PELI2: variants seen among roughly 807,000 people sequenced by gnomAD.
The protein encoded by PELI2 is pellino E3 ubiquitin protein ligase family member 2, also known as E3 ubiquitin-protein ligase pellino homolog 2.
In PELI2, 23 loss-of-function variants were observed where a neutral mutation model predicts 42.3. The ratio of observed to expected loss-of-function variants is 0.54; its 90% CI spans 0.39 to 0.77. The LOEUF (loss-of-function observed/expected upper bound fraction) is 0.77, where lower values mean the gene tolerates loss of function less well. PELI2 is among the 30% of genes least tolerant of loss of function. The pLI, the probability that PELI2 is intolerant of heterozygous loss-of-function variation, is 0.00. For synonymous variants in PELI2, 245 were observed against 212.2 expected (o/e 1.15, Z -1.34); for missense variants, 463 against 553.2 (o/e 0.84, Z 1.64).
chr14:56,283,676 G>A (rs1889556199), intron 3 of PELI2, among the ~76,000 whole-genome samples: 1 of 152,138 alleles, frequency 6.6e-6, no homozygotes, highest in Non-Finnish European at 1.5e-5. Flanking sequence ...GAAGAGAAGA[G>A]GCATTAGGGG....
At chr14:56,210,558 A>C (rs1392593433) in intron 2 of PELI2, among the ~76,000 whole-genome samples, 1 of 152,194 alleles carries the variant, frequency 6.6e-6, no homozygotes, top group African/African-American at 2.4e-5. Flanking sequence ...TTACCAAGTG[A>C]ACAGGAGTTT....
At position 56,288,153 on chromosome 14, in the gene PELI2, C is replaced by T. The variant is rs541698951; in HGVS notation, c.310-284C>T. ...TGTGCACCGTTCTGCCTGTAGTCAACAATGACTGCATTATGTGCTCAAATA... is the reference window on the plus strand; with the variant it reads ...TGTGCACCGTTCTGCCTGTAGTCAATAATGACTGCATTATGTGCTCAAATA... On this transcript the variant is annotated intron_variant, in intron 3 of 5. Transcript: ENST00000267460. The surrounding 1 kb of genome is among the most constrained non-coding windows in gnomAD (Gnocchi z 4.6). 6.6e-6 allele frequency among the ~76,000 whole-genome samples: 1 copy of T among 152,310 alleles called. No homozygotes were observed. Among genetic ancestry groups the T allele is most frequent in the South Asian group, 2.1e-4 (1 of 4,826 alleles).
chr14:56,128,889 G>T (rs2139584108), intron 1 of PELI2, among the ~76,000 whole-genome samples: 1 of 152,122 alleles, frequency 6.6e-6, no homozygotes, highest in South Asian at 2.1e-4. Context: ...TTTGTTTTTG[G>T]GGGAGGGCAG....
chr14:56,175,136 C>T (rs1885325506), intron 1 of PELI2, among the ~76,000 whole-genome samples: 1 of 152,168 alleles, frequency 6.6e-6, no homozygotes. Flanking sequence ...GCCGTGACTA[C>T]AGGTGCATGC....
intron 1 of PELI2, among the ~76,000 whole-genome samples, chr14:56,124,621 A>G (rs1278998610): frequency 1.3e-5 from 2 of 152,164 alleles, no homozygotes; most frequent in African/African-American, 4.8e-5. Context: ...GGATTGCACT[A>G]AGGGATACGC....
At chr14:56,165,346 C>T (rs898599446) in intron 1 of PELI2, among the ~76,000 whole-genome samples, 2 of 152,056 alleles carry the variant, frequency 1.3e-5, no homozygotes, top group Non-Finnish European at 1.5e-5. Flanking sequence ...CAAAATTTCT[C>T]GTTATTAATT....
intron 2 of PELI2, among the ~76,000 whole-genome samples, chr14:56,193,026 C>T (rs988586475): frequency 3.9e-5 from 6 of 152,204 alleles, no homozygotes; most frequent in Admixed American, 6.5e-5. Context: ...CTGACTCTTC[C>T]GACAAGTTCC....
Position 56,298,581 on chromosome 14 carries a change from A to G in PELI2, c.*1415A>G, listed in dbSNP as rs1219637748. On this transcript the variant is annotated 3_prime_UTR_variant, in exon 6 of 6. Coordinates refer to ENST00000267460, the MANE Select transcript of PELI2 (RefSeq NM_021255.3). The stretch of plus-strand genomic sequence containing the variant: ...TGACTTTTTTTTAACCTTTGTACAT[A>G]TACGTAATTTATATGATTCTAATGT... The G allele has an allele frequency of 1.3e-5, 2 of 152,594 alleles. No individual in the cohort carries two copies. 9.5% of individuals were successfully genotyped at this position (152,594 alleles called of 1,614,324 possible). A position where few individuals can be genotyped will look rare whatever the true frequency, so the allele number is the denominator to read the frequency against.
chr14:56,182,087 G>T (rs1375477046), intron 2 of PELI2, among the ~76,000 whole-genome samples: 1 of 152,172 alleles, frequency 6.6e-6, no homozygotes, highest in African/African-American at 2.4e-5. Context: ...AAGAATCATG[G>T]GATATACATT....
chr14:56,191,931 T>C (rs1422281960), intron 2 of PELI2, among the ~76,000 whole-genome samples: 2 of 151,594 alleles, frequency 1.3e-5, no homozygotes, highest in Admixed American at 6.6e-5. Flanking sequence ...CTCGGCTCAC[T>C]GCAACCTCTG....
intron 2 of PELI2, among the ~76,000 whole-genome samples, chr14:56,237,544 G>A (rs1243197800): frequency 6.6e-6 from 1 of 151,742 alleles, no homozygotes; most frequent in African/African-American, 2.4e-5. Context: ...TTCCCATGTG[G>A]CTTCATGTAT....
intron 2 of PELI2, among the ~76,000 whole-genome samples, chr14:56,230,748 C>A (rs1566652062): frequency 6.6e-6 from 1 of 152,104 alleles, no homozygotes; most frequent in Non-Finnish European, 1.5e-5. Flanking sequence ...TCACACGTAA[C>A]AATATTAATG....
chr14:56,266,072 T>C (rs1888892577), intron 2 of PELI2, among the ~76,000 whole-genome samples: 2 of 152,000 alleles, frequency 1.3e-5, no homozygotes, highest in African/African-American at 4.8e-5. Flanking sequence ...ATGCATATGC[T>C]GAAAACAAAC....
chr14:56,229,148 A>G (rs1056856106), intron 2 of PELI2, among the ~76,000 whole-genome samples: 4 of 152,232 alleles, frequency 2.6e-5, no homozygotes, highest in African/African-American at 9.6e-5. Context: ...CTGTCTCTGT[A>G]GACTCCACCT....
At chr14:56,126,629 C>A (rs924033573) in intron 1 of PELI2, among the ~76,000 whole-genome samples, 6 of 152,292 alleles carry the variant, frequency 3.9e-5, no homozygotes, top group Admixed American at 2.6e-4. Flanking sequence ...CGGTGGCCCC[C>A]CTCCTTTCCC....
chr14:56,292,386 G>A (rs772183802), intron 5 of PELI2, among the ~76,000 whole-genome samples: 3 of 152,172 alleles, frequency 2.0e-5, no homozygotes, highest in African/African-American at 4.8e-5. Context: ...TGTCTTCGAG[G>A]AAAGCTTACT....
Position 56,296,722 on chromosome 14 carries a change from C to T in PELI2, c.819C>T (p.Leu273=), listed in dbSNP as rs748035673. 2 of 1,614,120 alleles carry T rather than the reference C, an allele frequency of 1.2e-6. No individual in the cohort carries two copies. The highest frequency in any genetic ancestry group is 1.7e-6 in the Non-Finnish European group (2 of 1,180,018). The change falls in exon 6 of 6, where the codon CTC becomes CTT. Residue 273 remains leucine, a synonymous_variant. Transcript: ENST00000267460. ...CAACTCAGAAGCACATAGAAGCCCTCCGGCAGGAGATTAACGCCGCCCGGC... is the reference window on the plus strand; with the variant it reads ...CAACTCAGAAGCACATAGAAGCCCTTCGGCAGGAGATTAACGCCGCCCGGC... ...HTPTQKHIEA[L]RQEINAARPQ...
Position 56,222,172 on chromosome 14 carries a change from A to T in PELI2, c.207+43708A>T, listed in dbSNP as rs548610489. 5.9e-5 allele frequency among the ~76,000 whole-genome samples: 9 copies of T among 152,192 alleles called. No individual in the cohort carries two copies. The South Asian group carries it at 1.7e-3, about 28-fold the overall frequency. On this transcript the variant is annotated intron_variant, in intron 2 of 5. Coordinates refer to ENST00000267460, the MANE Select transcript of PELI2 (RefSeq NM_021255.3). ...CAACTTCCTGCTGTATTATGCTAGA[A>T]GCTTTATCTGTGTCACCTCATTTAA...
Position 56,118,611 on chromosome 14 carries a change from C to CGGCGGA in PELI2, c.-44_-39dup. The CGGCGGA allele has an allele frequency of 3.4e-6, 4 of 1,192,430 alleles. No individual in the cohort carries two copies. Among genetic ancestry groups the CGGCGGA allele is most frequent in the Non-Finnish European group, 3.3e-6 (3 of 911,034 alleles). 73.9% of individuals were successfully genotyped at this position (1,192,430 alleles called of 1,614,324 possible). A position where few individuals can be genotyped will look rare whatever the true frequency, so the allele number is the denominator to read the frequency against. Reference sequence around the variant, plus strand: ...GGCGGCGCGGACTCGGCGGGGATCGCGGCGGAGGCGGCGGCGTCGGCGGCG... The same window carrying CGGCGGA: ...GGCGGCGCGGACTCGGCGGGGATCGCGGCGGAGGCGGAGGCGGCGGCGTCGGCGGCG... On this transcript the variant is annotated 5_prime_UTR_variant, in exon 1 of 6. Coordinates refer to ENST00000267460, the MANE Select transcript of PELI2 (RefSeq NM_021255.3).
Sources: allele counts gnomAD v4.1 joint callset (sites outside exome capture counted in the v4.1 genomes callset), GRCh38; gene constraint gnomAD v4.1.1; non-coding constraint Gnocchi (gnomAD v3.1); transcripts MANE v1.5; gene names NCBI Gene and HGNC (gene_info 2026-07-23, HGNC 2026-07-21).